Variants in PARP4 observed in about 807,000 individuals in gnomAD.
The protein encoded by PARP4 is protein mono-ADP-ribosyltransferase PARP4.
Under a neutral mutation model 187.7 loss-of-function variants are expected in PARP4, and 120 were observed. That is an observed-to-expected ratio of 0.64 (90% CI 0.55 to 0.74). The LOEUF (loss-of-function observed/expected upper bound fraction) is 0.74, where lower values mean the gene tolerates loss of function less well. Ranked by LOEUF, PARP4 falls within the 30% of genes least tolerant of loss-of-function variation. PARP4 has a pLI of 0.00. For missense variants in PARP4, 1,836 were observed against 2,070.5 expected (o/e 0.89, Z 2.20); for synonymous variants, 654 against 740.9 (o/e 0.88, Z 1.90).
At chr13:24,491,727 C>A (rs1311501006) in intron 9 of PARP4, among the ~76,000 whole-genome samples, 2 of 152,200 alleles carry the variant, frequency 1.3e-5, no homozygotes, top group Admixed American at 1.3e-4. Flanking sequence ...ACTCACTAAG[C>A]CTGCTTCTCT....
intron 32 of PARP4, 59 bp downstream of exon 32, chr13:24,431,318 G>C: frequency 3.3e-6 from 3 of 896,134 alleles, no homozygotes; most frequent in Non-Finnish European, 5.3e-6. Flanking sequence ...CAACAATTAG[G>C]AGCATGCTTA....
At chr13:24,430,931 G>A (rs1225101639) in intron 32 of PARP4, among the ~76,000 whole-genome samples, 1 of 152,190 alleles carries the variant, frequency 6.6e-6, no homozygotes, top group Non-Finnish European at 1.5e-5. Context: ...TCTAGCAGGG[G>A]GATGATGCCA....
chr13:24,427,463 T>C (rs1478255456), intron 32 of PARP4, among the ~76,000 whole-genome samples: 4 of 149,958 alleles, frequency 2.7e-5, no homozygotes, highest in African/African-American at 9.8e-5. Flanking sequence ...CCCCAACTCC[T>C]GGACTCAAGT....
chr13:24,426,549 T>C lies in PARP4; in HGVS notation c.4896A>G (p.Val1632=). The change falls in exon 33 of 34, where the codon GTA becomes GTG. Residue 1632 remains valine, a synonymous_variant. Transcript: ENST00000381989. ...CLLDLIATML[V]LQFIRTRLEK... ...CCAACCTGGTGCGAATAAACTGTAG[T>C]ACCAGCATTGTGGCAATTAGGTCCA... is the stretch of plus-strand genomic sequence containing the variant. The C allele has an allele frequency of 1.2e-6, 2 of 1,611,606 alleles. No homozygotes were observed. Among genetic ancestry groups the C allele is most frequent in the Non-Finnish European group, 1.7e-6 (2 of 1,178,182 alleles).
At chr13:24,486,694 G>A (rs1566014598) in intron 10 of PARP4, among the ~76,000 whole-genome samples, 1 of 152,240 alleles carries the variant, frequency 6.6e-6, no homozygotes, top group South Asian at 2.1e-4. Flanking sequence ...GCTCAGGCCT[G>A]TAATCCCAGC....
intron 15 of PARP4, among the ~76,000 whole-genome samples, chr13:24,472,017 T>A (rs1048916711): frequency 1.3e-5 from 2 of 152,196 alleles, no homozygotes; most frequent in Non-Finnish European, 2.9e-5. Context: ...TCCGGATCCT[T>A]TGCTTTGTAT....
chr13:24,421,157 A>G lies in PARP4; in HGVS notation c.5137T>C (p.Ser1713Pro), dbSNP rs763692846. 11 of 1,480,354 alleles carry G rather than the reference A, an allele frequency of 7.4e-6. No homozygotes were observed. The highest frequency in any genetic ancestry group is 5.4e-6 in the Non-Finnish European group (6 of 1,111,248). 91.7% of individuals were successfully genotyped at this position (1,480,354 alleles called of 1,614,324 possible). A position where few individuals can be genotyped will look rare whatever the true frequency, so the allele number is the denominator to read the frequency against. ...LLGLQPISTV[S>P]PLHRVLHYSQ... Reference sequence around the variant, plus strand: ...TAATGGAGGACTCTATGAAGAGGGGACACAGTGCTTATGGGCTGGAGTCCC... The same window carrying G: ...TAATGGAGGACTCTATGAAGAGGGGGCACAGTGCTTATGGGCTGGAGTCCC... The change falls in exon 34 of 34, where the codon TCC becomes CCC. Residue 1713 changes from serine to proline, a missense_variant. Coordinates refer to ENST00000381989, the MANE Select transcript of PARP4 (RefSeq NM_006437.4).
chr13:24,465,558 G>A (rs1050129633), intron 17 of PARP4, among the ~76,000 whole-genome samples: 1 of 152,102 alleles, frequency 6.6e-6, no homozygotes, highest in Admixed American at 6.6e-5. Context: ...CTTACACGTG[G>A]GAGCTGAACA....
chr13:24,437,790 G>A (rs1870706556), intron 30 of PARP4, among the ~76,000 whole-genome samples: 1 of 137,626 alleles, frequency 7.3e-6, no homozygotes, highest in African/African-American at 2.8e-5. Flanking sequence ...AGTGCTCTGT[G>A]ATAGAGCCTG....
intron 25 of PARP4, 79 bp from the exon 26 acceptor site, chr13:24,447,265 C>T: frequency 3.0e-6 from 3 of 1,003,188 alleles, no homozygotes; most frequent in East Asian, 3.1e-5. Context: ...ATAAAGTATA[C>T]ATTCTATCCT....
chr13:24,455,087 C>T lies in PARP4; in HGVS notation c.2688G>A (p.Lys896=), dbSNP rs777803337. ...SMEGVTFLQA[K]QIALHALSLV... ...AGGACAGCGCATGCAAGGCGATTTG[C>T]TTGGCTTGCAAGAATGTCACACCCT... is the stretch of plus-strand genomic sequence containing the variant. The change falls in exon 22 of 34, where the codon AAG becomes AAA. Residue 896 remains lysine (K), a synonymous_variant. Coordinates refer to ENST00000381989, the MANE Select transcript of PARP4 (RefSeq NM_006437.4). 4 of 1,613,270 alleles carry T rather than the reference C, an allele frequency of 2.5e-6. No individual in the cohort carries two copies. Among genetic ancestry groups the T allele is most frequent in the Non-Finnish European group, 2.5e-6 (3 of 1,179,352 alleles).
At chr13:24,432,144 T>A (rs1041297001) in intron 31 of PARP4, among the ~76,000 whole-genome samples, 1 of 152,230 alleles carries the variant, frequency 6.6e-6, no homozygotes, top group African/African-American at 2.4e-5. Flanking sequence ...ATGCATAGAA[T>A]GTAAATAATC....
intron 6 of PARP4, among the ~76,000 whole-genome samples, chr13:24,496,639 C>T (rs865829285): frequency 1.0e-3 from 155 of 152,302 alleles, no homozygotes; most frequent in Middle Eastern, 6.8e-3. Flanking sequence ...TGAGCTGACA[C>T]TCAGAGTGGG....
intron 6 of PARP4, among the ~76,000 whole-genome samples, chr13:24,495,794 T>A (rs1868911665): frequency 6.6e-6 from 1 of 152,100 alleles, no homozygotes; most frequent in African/African-American, 2.4e-5. Context: ...GAGTGCCTGT[T>A]GAAGTCACTC....
chr13:24,427,353 T>G (rs1870109546), intron 32 of PARP4, among the ~76,000 whole-genome samples: 1 of 148,602 alleles, frequency 6.7e-6, no homozygotes, highest in Admixed American at 7.1e-5. Context: ...CCATTTTCAT[T>G]TTAAAAATCC....
At chr13:24,481,967 T>C (rs1454653709) in intron 12 of PARP4, among the ~76,000 whole-genome samples, 2 of 152,376 alleles carry the variant, frequency 1.3e-5, no homozygotes, top group East Asian at 3.9e-4. Context: ...TGGAAAGGAT[T>C]TGCTATTCTC....
chr13:24,447,898 G>A (rs1456736000), intron 25 of PARP4, among the ~76,000 whole-genome samples: 4 of 152,178 alleles, frequency 2.6e-5, no homozygotes, highest in African/African-American at 9.7e-5. Context: ...CACCCAGTGG[G>A]ATGGCTGTTA....
chr13:24,493,461 C>A (rs1230113334), intron 8 of PARP4, 135 bp downstream of exon 8: 2 of 781,490 alleles, frequency 2.6e-6, no homozygotes, highest in Non-Finnish European at 3.9e-6. Context: ...TTCTTCAGTA[C>A]CGGTACAAGG....
At chr13:24,450,064 T>A (rs28406166) in intron 24 of PARP4, among the ~76,000 whole-genome samples, 1 of 152,022 alleles carries the variant, frequency 6.6e-6, no homozygotes, top group Non-Finnish European at 1.5e-5. Context: ...TTGAAATTCT[T>A]GACTTTCAGT....
Sources: allele counts gnomAD v4.1 joint callset (sites outside exome capture counted in the v4.1 genomes callset), GRCh38; gene constraint gnomAD v4.1.1; transcripts MANE v1.5; gene names NCBI Gene and HGNC (gene_info 2026-07-23, HGNC 2026-07-21).